The following RORA variants were observed in gnomAD, a reference collection of about 807,000 sequenced individuals.
The protein encoded by RORA is RAR related orphan receptor A.
In RORA, 7 loss-of-function variants were observed where a neutral mutation model predicts 69.5. The observed-to-expected ratio is 0.10, with a 90% CI of 0.06 to 0.19. RORA has a LOEUF of 0.19. Among genes scored for constraint, RORA ranks in the 10% least tolerant of loss-of-function variants. The probability of loss-of-function intolerance (pLI) is 1.00; values close to 1 mark genes in which losing one functional copy is unlikely to be tolerated. For missense variants in RORA, 457 were observed against 663.0 expected, an observed-to-expected ratio of 0.69 and a Z score of 3.41; for synonymous variants, 261 against 240.8, an observed-to-expected ratio of 1.08 and a Z score of -0.78.
intron 2 of RORA, among the ~76,000 whole-genome samples, chr15:60,614,128 G>GTTC (rs1336976547): frequency 1.3e-5 from 2 of 152,078 alleles, no homozygotes; most frequent in African/African-American, 4.8e-5. Context: ...ACATTTAAGT[G>GTTC]AAAAATAGAG....
intron 2 of RORA, among the ~76,000 whole-genome samples, chr15:60,592,164 C>T (rs1047348648): frequency 2.6e-5 from 4 of 151,966 alleles, no homozygotes; most frequent in Non-Finnish European, 5.9e-5. Flanking sequence ...GAGGGGGATC[C>T]ACCCCGTGCG....
intron 1 of RORA, among the ~76,000 whole-genome samples, chr15:60,885,689 C>T (rs4774375): frequency 0.62 from 94,148 of 152,068 alleles, 29,737 homozygotes; most frequent in Non-Finnish European, 0.68. Flanking sequence ...GTAGTCTTTA[C>T]GGAATGCAGT....
At chr15:60,708,464 A>C (rs4774371) in intron 1 of RORA, among the ~76,000 whole-genome samples, 2 of 151,806 alleles carry the variant, frequency 1.3e-5, no homozygotes, top group African/African-American at 4.8e-5. Flanking sequence ...ATCACATCCA[A>C]GTGGCATTCA....
At position 61,131,198 on chromosome 15, in the gene RORA, C is replaced by T. The variant is rs959408163; in HGVS notation, c.166+97855G>A. 4.6e-5 allele frequency among the ~76,000 whole-genome samples: 7 copies of T among 152,318 alleles called. No homozygotes were observed. In the South Asian group the frequency reaches 1.5e-3, roughly 32 times the overall value. ...TGTAAACTTGATGGTCACTAACATT[C>T]CTGACCATGTGCTTTTACCAGGATC... is the stretch of plus-strand genomic sequence containing the variant. On this transcript the variant is annotated intron_variant, in intron 1 of 10. Transcript: ENST00000335670. This position sits in a 1 kb window ranked among gnomAD's most constrained non-coding sequence, Gnocchi z 4.2.
At chr15:60,814,192 C>T (rs1325214449) in intron 1 of RORA, among the ~76,000 whole-genome samples, 1 of 151,916 alleles carries the variant, frequency 6.6e-6, no homozygotes, top group Non-Finnish European at 1.5e-5. Context: ...TCCTTTTGCC[C>T]AGAAGGACTT....
At chr15:60,633,684 C>A (rs2069782836) in intron 2 of RORA, among the ~76,000 whole-genome samples, 1 of 152,158 alleles carries the variant, frequency 6.6e-6, no homozygotes, top group South Asian at 2.1e-4. Flanking sequence ...GACCAAGTCC[C>A]CAAGTTCAGA....
intron 3 of RORA, among the ~76,000 whole-genome samples, chr15:60,516,191 ATATATT>A (rs1567052401): frequency 0.011 from 166 of 15,792 alleles, 6 homozygotes; most frequent in African/African-American, 0.049. Flanking sequence ...ATATTTATAT[ATATATT>A]TATATATATA....
Position 60,727,484 on chromosome 15 carries a change from A to T in RORA, c.167-48798T>A, listed in dbSNP as rs115594698. Among the ~76,000 whole-genome samples the T allele has an allele frequency of 5.2e-3, 793 of 152,270 alleles. 7 individuals are homozygous for T. Among genetic ancestry groups the T allele is most frequent in the African/African-American group, 0.017 (725 of 41,538 alleles). ...ATCCCATCCACAATAAGAGCCTCACATTCCTCTCGCTGACAGCTGATCCCT... is the reference window on the plus strand; with the variant it reads ...ATCCCATCCACAATAAGAGCCTCACTTTCCTCTCGCTGACAGCTGATCCCT... On this transcript the variant is annotated intron_variant, in intron 1 of 10. Coordinates refer to ENST00000335670, the MANE Select transcript of RORA (RefSeq NM_134261.3).
chr15:60,723,321 CT>C (rs1316866289), intron 1 of RORA, among the ~76,000 whole-genome samples: 3 of 152,092 alleles, frequency 2.0e-5, no homozygotes, highest in African/African-American at 2.4e-5. Context: ...GAAAAATAGA[CT>C]GTTTATCATC....
chr15:61,067,242 G>C (rs2078276225), intron 1 of RORA, among the ~76,000 whole-genome samples: 1 of 151,682 alleles, frequency 6.6e-6, no homozygotes, highest in Admixed American at 6.6e-5. Flanking sequence ...CTCCTGAGTA[G>C]CTAAGATTAC....
chr15:60,728,309 G>A (rs543094257), intron 1 of RORA, among the ~76,000 whole-genome samples: 2 of 152,020 alleles, frequency 1.3e-5, no homozygotes, highest in African/African-American at 2.4e-5. Flanking sequence ...TTCTCTTACC[G>A]TTCAACAATA....
At chr15:60,886,167 C>A (rs912649671) in intron 1 of RORA, among the ~76,000 whole-genome samples, 1 of 151,952 alleles carries the variant, frequency 6.6e-6, no homozygotes, top group Non-Finnish European at 1.5e-5. Flanking sequence ...ACATTTCCCC[C>A]AAAAAATCAA....
chr15:60,931,989 T>C (rs978040759), intron 1 of RORA, among the ~76,000 whole-genome samples: 2 of 152,096 alleles, frequency 1.3e-5, no homozygotes, highest in East Asian at 3.8e-4. Flanking sequence ...CCAATTCTAA[T>C]CCTGAATTCT....
intron 1 of RORA, among the ~76,000 whole-genome samples, chr15:60,694,604 C>T (rs1448934580): frequency 6.6e-6 from 1 of 152,180 alleles, no homozygotes; most frequent in African/African-American, 2.4e-5. Context: ...CTGGAGGGGC[C>T]TCGCCCAAAC....
intron 7 of RORA, 53 bp downstream of exon 7, chr15:60,503,482 C>A: frequency 6.3e-7 from 1 of 1,578,316 alleles, no homozygotes; most frequent in Non-Finnish European, 8.7e-7. Context: ...CTTTAATAAG[C>A]GGGTGAAAGC....
intron 3 of RORA, chr15:60,530,128 G>C (rs915283419): frequency 3.3e-5 from 5 of 152,294 alleles, no homozygotes; most frequent in African/African-American, 9.7e-5. Flanking sequence ...TTGGGAGGCA[G>C]AACACAAGAC....
intron 2 of RORA, among the ~76,000 whole-genome samples, chr15:60,556,290 A>G (rs1330643604): frequency 6.6e-6 from 1 of 152,206 alleles, no homozygotes; most frequent in Non-Finnish European, 1.5e-5. Context: ...CCCATCGCCA[A>G]GTGAAAATAC....
At chr15:60,597,501 G>A (rs1406261930) in intron 2 of RORA, among the ~76,000 whole-genome samples, 1 of 106,932 alleles carries the variant, frequency 9.4e-6, no homozygotes, top group Non-Finnish European at 1.9e-5. Flanking sequence ...ACCTGGCAGT[G>A]GTACAGGAGA....
chr15:60,918,289 T>C (rs1022445657), intron 1 of RORA, among the ~76,000 whole-genome samples: 21 of 152,332 alleles, frequency 1.4e-4, no homozygotes, highest in African/African-American at 5.1e-4. Flanking sequence ...ACTAAAGCCT[T>C]GATTAAGCCA....
Sources: allele counts gnomAD v4.1 joint callset (sites outside exome capture counted in the v4.1 genomes callset), GRCh38; gene constraint gnomAD v4.1.1; non-coding constraint Gnocchi (gnomAD v3.1); transcripts MANE v1.5; gene names NCBI Gene and HGNC (gene_info 2026-07-23, HGNC 2026-07-21).